APP: variants seen among roughly 807,000 people sequenced by gnomAD.
APP encodes the protein amyloid-beta precursor protein.
A neutral mutation model predicts 101.4 loss-of-function variants in APP; 31 were observed. The ratio of observed to expected loss-of-function variants is 0.31; its 90% CI spans 0.23 to 0.41. The LOEUF (loss-of-function observed/expected upper bound fraction) is 0.41. Among genes scored for constraint, APP ranks in the 10% least tolerant of loss-of-function variants. The pLI is 1.00. For synonymous variants in APP, 366 were observed against 364.4 expected, an observed-to-expected ratio of 1.00 and a Z score of -0.05; for missense variants, 839 against 1,003.7, an observed-to-expected ratio of 0.84 and a Z score of 2.22.
At chr21:26,097,464 C>A (rs2061967861) in intron 2 of APP, among the ~76,000 whole-genome samples, 1 of 152,040 alleles carries the variant, frequency 6.6e-6, no homozygotes, top group Non-Finnish European at 1.5e-5. Context: ...GTATTATAAA[C>A]CTATCTCTTA....
At chr21:26,016,373 A>G (rs933699445) in intron 6 of APP, among the ~76,000 whole-genome samples, 57 of 152,218 alleles carry the variant, frequency 3.7e-4, no homozygotes, top group Admixed American at 5.2e-4. Flanking sequence ...AGAAATGCAC[A>G]GTGTAAAATA....
intron 11 of APP, among the ~76,000 whole-genome samples, chr21:25,971,500 C>T (rs1357939318): frequency 1.9e-4 from 29 of 152,168 alleles, no homozygotes; most frequent in Admixed American, 1.8e-3. Flanking sequence ...CTAGAGGACT[C>T]GTGGAGTGGA....
At chr21:25,938,145 T>C (rs990502378) in intron 13 of APP, among the ~76,000 whole-genome samples, 2 of 152,220 alleles carry the variant, frequency 1.3e-5, no homozygotes, top group East Asian at 1.9e-4. Context: ...TCCCTTTTCA[T>C]AGCTAATAAG....
At chr21:26,091,967 A>C (rs2061836129) in intron 2 of APP, among the ~76,000 whole-genome samples, 1 of 152,142 alleles carries the variant, frequency 6.6e-6, no homozygotes, top group Non-Finnish European at 1.5e-5. Context: ...ACAATTGTCC[A>C]TGACATTCAG....
intron 3 of APP, among the ~76,000 whole-genome samples, chr21:26,062,991 T>C (rs1480566191): frequency 2.6e-5 from 4 of 152,100 alleles, no homozygotes; most frequent in Non-Finnish European, 5.9e-5. Flanking sequence ...CTCAAATTCC[T>C]GGGCTCAAGC....
chr21:26,124,978 T>A (rs1198033319), intron 1 of APP, among the ~76,000 whole-genome samples: 1 of 151,976 alleles, frequency 6.6e-6, no homozygotes, highest in Non-Finnish European at 1.5e-5. Context: ...TAACCAAAGG[T>A]GCTGGAGTGT....
intron 5 of APP, among the ~76,000 whole-genome samples, chr21:26,033,840 AGAG>A (rs541316907): frequency 3.0e-4 from 46 of 152,308 alleles, no homozygotes; most frequent in African/African-American, 1.1e-3. Flanking sequence ...GGAGTGAGTA[AGAG>A]GAGGAATCTG....
At chr21:25,916,346 CCA>C (rs1410682264) in intron 13 of APP, among the ~76,000 whole-genome samples, 6 of 152,258 alleles carry the variant, frequency 3.9e-5, no homozygotes, top group African/African-American at 1.4e-4. Flanking sequence ...TGATGGATTA[CCA>C]TTATCAGAAG....
At chr21:25,950,286 A>G (rs923603684) in intron 13 of APP, among the ~76,000 whole-genome samples, 1 of 152,140 alleles carries the variant, frequency 6.6e-6, no homozygotes, top group African/African-American at 2.4e-5. Flanking sequence ...CTCTATGCAA[A>G]TTAGAAAGGG....
intron 6 of APP, among the ~76,000 whole-genome samples, chr21:26,001,427 T>C (rs2043288920): frequency 6.6e-6 from 1 of 152,204 alleles, no homozygotes; most frequent in Non-Finnish European, 1.5e-5. Context: ...TCTTCTTAGT[T>C]TTACTGACAG....
intron 1 of APP, among the ~76,000 whole-genome samples, chr21:26,123,112 A>C (rs2062610398): frequency 6.6e-6 from 1 of 152,214 alleles, no homozygotes; most frequent in African/African-American, 2.4e-5. Context: ...TTTTTAGCAG[A>C]TTTACAGAAA....
At chr21:25,933,475 A>C (rs1261998712) in intron 13 of APP, among the ~76,000 whole-genome samples, 1 of 152,202 alleles carries the variant, frequency 6.6e-6, no homozygotes, top group African/African-American at 2.4e-5. Flanking sequence ...GATTACTGTA[A>C]ATTAGTCACC....
intron 16 of APP, among the ~76,000 whole-genome samples, chr21:25,894,300 CCT>C (rs2037888153): frequency 6.6e-6 from 1 of 152,146 alleles, no homozygotes; most frequent in Admixed American, 6.5e-5. Context: ...ATTATTTCAG[CCT>C]CTTATTATTT....
At chr21:26,123,476 G>C (rs1485809550) in intron 1 of APP, among the ~76,000 whole-genome samples, 1 of 152,152 alleles carries the variant, frequency 6.6e-6, no homozygotes, top group Non-Finnish European at 1.5e-5. Context: ...GAATACTCCA[G>C]GTTTAAATTC....
intron 1 of APP, among the ~76,000 whole-genome samples, chr21:26,112,717 G>A (rs45544137): frequency 0.014 from 2,108 of 152,206 alleles, 52 homozygotes; most frequent in African/African-American, 0.046. Flanking sequence ...GTATGTTGGC[G>A]ATCCCTCCTG....
intron 2 of APP, among the ~76,000 whole-genome samples, chr21:26,110,691 T>C (rs1467938947): frequency 6.6e-6 from 1 of 152,042 alleles, no homozygotes; most frequent in East Asian, 1.9e-4. Context: ...AATTTTAGTA[T>C]TTACAATTTA....
chr21:26,073,655 A>G (rs2061449399), intron 3 of APP, among the ~76,000 whole-genome samples: 2 of 152,234 alleles, frequency 1.3e-5, no homozygotes, highest in Non-Finnish European at 2.9e-5. Flanking sequence ...GAAAAATATG[A>G]GAAGGCTAAA....
At chr21:26,140,276 T>G (rs755709901) in intron 1 of APP, 19 of 1,535,744 alleles carry the variant, frequency 1.2e-5, no homozygotes, top group Non-Finnish European at 1.4e-5. Flanking sequence ...AACAAACTGT[T>G]AACTGCAGTG....
chr21:26,096,149 T>TCC (rs1298288888), intron 2 of APP, among the ~76,000 whole-genome samples: 1 of 152,060 alleles, frequency 6.6e-6, no homozygotes, highest in Non-Finnish European at 1.5e-5. Context: ...CCCATTAGGG[T>TCC]CCCCCCACAT....
Sources: gnomAD v4.1 joint callset for allele counts (sites outside exome capture counted in the v4.1 genomes callset) on GRCh38, gnomAD v4.1.1 for gene constraint, MANE v1.5 for transcripts, NCBI Gene and HGNC (gene_info 2026-07-23, HGNC 2026-07-21) for gene names.